MTFR1L: variants seen among roughly 807,000 people sequenced by gnomAD.
The protein encoded by MTFR1L is mitochondrial fission regulator 1-like.
Under a neutral mutation model 27.9 loss-of-function variants are expected in MTFR1L, and 10 were observed. That is an observed-to-expected ratio of 0.36 (90% CI 0.22 to 0.61). The LOEUF (loss-of-function observed/expected upper bound fraction) is 0.61, where lower values mean the gene tolerates loss of function less well. Ranked by LOEUF, MTFR1L falls within the 20% of genes least tolerant of loss-of-function variation. The pLI, the probability that MTFR1L is intolerant of heterozygous loss-of-function variation, is 0.73. For synonymous variants in MTFR1L, 151 were observed against 139.4 expected, an observed-to-expected ratio of 1.08 and a Z score of -0.58; for missense variants, 315 against 363.7, an observed-to-expected ratio of 0.87 and a Z score of 1.09.
In MTFR1L at chr1:25,822,715, A is replaced by T. The variant is rs1044304235; in HGVS notation, c.-86-304A>T. ...CTAATTTTTTGTATTTTTAGTAGAG[A>T]CAGGGCTTCACTGTGTTAGCCAGGA... is the stretch of plus-strand genomic sequence containing the variant. On this transcript the variant is annotated intron_variant, in intron 1 of 6. Transcript: ENST00000374303. 5 of 442,636 alleles carry T rather than the reference A, an allele frequency of 1.1e-5. 1 individual carries two copies. In the African/African-American group the frequency reaches 1.3e-4, roughly 11 times the overall value. The allele number at this position is 442,636 out of a possible 1,614,324, so 27.4% of individuals were successfully genotyped here. A position where few individuals can be genotyped will look rare whatever the true frequency, so the allele number is the denominator to read the frequency against.
chr1:25,820,681 G>A, intron 1 of MTFR1L: 1 of 429,222 alleles, frequency 2.3e-6, no homozygotes, highest in East Asian at 7.8e-5. Context: ...CACCGGTGCT[G>A]CCGGCGAACC....
chr1:25,822,973 A>T (rs965847120), intron 1 of MTFR1L, 46 bp from the exon 2 acceptor site: 1 of 1,532,232 alleles, frequency 6.5e-7, no homozygotes, highest in Non-Finnish European at 9.0e-7. Context: ...TTAAATCCCC[A>T]CTGTGGGGGG....
chr1:25,822,706 T>G, intron 1 of MTFR1L: 1 of 406,780 alleles, frequency 2.5e-6, no homozygotes, highest in Non-Finnish European at 4.4e-6. Flanking sequence ...TTTTGTATTT[T>G]TAGTAGAGAC....
At chr1:25,824,325 C>G (rs933643533) in intron 3 of MTFR1L, among the ~76,000 whole-genome samples, 1 of 152,192 alleles carries the variant, frequency 6.6e-6, no homozygotes, top group Admixed American at 6.5e-5. Context: ...CTACCTGGCC[C>G]AGGTCTCTTG....
At position 25,823,234 on chromosome 1, in the gene MTFR1L, C is replaced by T. The variant is rs767492884; in HGVS notation, c.24+106C>T. 3 of 1,167,828 alleles carry T rather than the reference C, an allele frequency of 2.6e-6. No homozygotes were observed. In the South Asian group the frequency reaches 3.7e-5, roughly 14 times the overall value. 72.3% of individuals were successfully genotyped at this position (1,167,828 alleles called of 1,614,324 possible). A position where few individuals can be genotyped will look rare whatever the true frequency, so the allele number is the denominator to read the frequency against. On this transcript the variant is annotated intron_variant, in intron 2 of 6. Coordinates refer to ENST00000374303, the MANE Select transcript of MTFR1L (RefSeq NM_001099625.2). ...ACTCTCCAGTTGAGCACTCCTTTCT[C>T]CAGAGGCCTGGAATTGGAGCAAGGC...
intron 1 of MTFR1L, chr1:25,820,835 C>A: frequency 2.6e-6 from 1 of 391,932 alleles, no homozygotes; most frequent in South Asian, 1.8e-5. Flanking sequence ...TCACAGTTAT[C>A]TAGTTCCTCT....
At position 25,826,322 on chromosome 1, in the gene MTFR1L, C is replaced by A; in HGVS notation, c.150C>A (p.Asp50Glu). The A allele has an allele frequency of 6.2e-7, 1 of 1,614,144 alleles. No individual in the cohort carries two copies. Among genetic ancestry groups the A allele is most frequent in the Non-Finnish European group, 8.5e-7 (1 of 1,180,008 alleles). Residue 50 changes from aspartate (D) to glutamate (E), a missense_variant, in exon 4 of 7, where the codon GAC becomes GAA. Coordinates refer to ENST00000374303, the MANE Select transcript of MTFR1L (RefSeq NM_001099625.2). This position sits in a 1 kb window ranked among gnomAD's most constrained non-coding sequence, Gnocchi z 4.1. ...CATAGACCCTGCCCAACATCTCTGA[C>A]CTGTGTTTGAGAGATGTGCCCCCAG... ...ASFETLPNIS[D>E]LCLRDVPPVP...
chr1:25,828,825 A>G (rs1453642669), intron 5 of MTFR1L, among the ~76,000 whole-genome samples: 1 of 152,160 alleles, frequency 6.6e-6, no homozygotes, highest in Non-Finnish European at 1.5e-5. Flanking sequence ...CATGAAAATC[A>G]TGGTGTTCTT....
At position 25,832,191 on chromosome 1, in the gene MTFR1L, A is replaced by C. The variant is rs1239181905; in HGVS notation, c.*165A>C. ...AGAAGAGCTGGATTATATATTTCCCAGACTTCAAACCCTAGCAGAAGCTAA... is the reference window on the plus strand; with the variant it reads ...AGAAGAGCTGGATTATATATTTCCCCGACTTCAAACCCTAGCAGAAGCTAA... On this transcript the variant is annotated 3_prime_UTR_variant, in exon 7 of 7. Coordinates refer to ENST00000374303, the MANE Select transcript of MTFR1L (RefSeq NM_001099625.2). 1.3e-5 allele frequency: 20 copies of C among 1,537,252 alleles called. No homozygotes were observed. Among genetic ancestry groups the C allele is most frequent in the Non-Finnish European group, 1.7e-5 (20 of 1,145,716 alleles).
At chr1:25,829,946 C>A in intron 6 of MTFR1L, 116 bp downstream of exon 6, 1 of 1,059,502 alleles carries the variant, frequency 9.4e-7, no homozygotes, top group Non-Finnish European at 1.3e-6. Context: ...TTATGTCATT[C>A]ATAAAGCTTG....
intron 6 of MTFR1L, 28 bp downstream of exon 6, chr1:25,829,858 T>C: frequency 6.4e-7 from 1 of 1,557,588 alleles, no homozygotes; most frequent in Non-Finnish European, 8.7e-7. Flanking sequence ...AGCTCTGGTA[T>C]CTATTTACTC....
chr1:25,822,977 TGG>T, intron 1 of MTFR1L, 40 bp from the exon 2 acceptor site: 2 of 1,540,088 alleles, frequency 1.3e-6, no homozygotes, highest in Non-Finnish European at 1.8e-6. Context: ...ATCCCCACTG[TGG>T]GGGGTTGTTT....
rs1449041866 is a variant in MTFR1L at position 25,819,954 on chromosome 1, AG to A, written c.-159del. 3.2e-6 allele frequency: 1 copy of A among 309,616 alleles called. No individual in the cohort carries two copies. The highest frequency in any genetic ancestry group is 1.4e-4 in the East Asian group (1 of 7,084). 19.2% of individuals were successfully genotyped at this position (309,616 alleles called of 1,614,324 possible). A position where few individuals can be genotyped will look rare whatever the true frequency, so the allele number is the denominator to read the frequency against. ...TCCGGGGGGCGGGTCAGCGGAAGTG[AG>A]GGCGGTTGAGGCTGGGCGGCCCAAG... On this transcript the variant is annotated 5_prime_UTR_variant, in exon 1 of 7. Transcript: ENST00000374303.
intron 3 of MTFR1L, among the ~76,000 whole-genome samples, chr1:25,825,451 C>T: frequency 6.6e-6 from 1 of 151,992 alleles, no homozygotes; most frequent in Non-Finnish European, 1.5e-5. Context: ...ATGTTTTTTA[C>T]TTTGTTGTAA....
rs1448694743 is a variant in MTFR1L at position 25,826,855 on chromosome 1, G to A, written c.451+29G>A. 3.4e-5 allele frequency: 55 copies of A among 1,607,442 alleles called. No homozygotes were observed. Among genetic ancestry groups the A allele is most frequent in the Non-Finnish European group, 4.5e-5 (53 of 1,176,708 alleles). Reference sequence around the variant, plus strand: ...GGAGCCCCTGTGCCAGGGCCAGAACGTAACAGGCTGTTCCTTTCCCCTGGC... The same window carrying A: ...GGAGCCCCTGTGCCAGGGCCAGAACATAACAGGCTGTTCCTTTCCCCTGGC... On this transcript the variant is annotated intron_variant, in intron 5 of 6. Transcript: ENST00000374303. The surrounding 1 kb of genome is among the most constrained non-coding windows in gnomAD (Gnocchi z 4.1).
rs763149507 is a variant in MTFR1L, at chr1:25,826,723, C to T, written c.348C>T (p.Ala116=). 1.2e-5 allele frequency: 20 copies of T among 1,614,010 alleles called. No individual in the cohort carries two copies. Among genetic ancestry groups the T allele is most frequent in the Non-Finnish European group, 1.7e-5 (20 of 1,180,026 alleles). ...NLRGSEERLL[A]LKKPALPALS... ...GTGGGTCCGAGGAGAGGCTTCTGGC[C>T]CTGAAGAAGCCAGCTCTGCCAGCCC... Residue 116 remains alanine, a synonymous_variant, in exon 5 of 7, where the codon GCC becomes GCT. Coordinates refer to ENST00000374303, the MANE Select transcript of MTFR1L (RefSeq NM_001099625.2). This position sits in a 1 kb window ranked among gnomAD's most constrained non-coding sequence, Gnocchi z 4.1.
chr1:25,820,635 C>T (rs1474096619), intron 1 of MTFR1L: 6 of 414,062 alleles, frequency 1.4e-5, no homozygotes, highest in Admixed American at 3.3e-5. Flanking sequence ...CAACTGCAGC[C>T]TCCGGAGGGC....
At position 25,832,139 on chromosome 1, in the gene MTFR1L, C is replaced by G; in HGVS notation, c.*113C>G. Reference sequence around the variant, plus strand: ...GGATAGATCTTCTGCAACAGTCTTGCTGACAAGCTAGAGCTTGGACTGAAA... The same window carrying G: ...GGATAGATCTTCTGCAACAGTCTTGGTGACAAGCTAGAGCTTGGACTGAAA... On this transcript the variant is annotated 3_prime_UTR_variant, in exon 7 of 7. Transcript: ENST00000374303. The G allele has an allele frequency of 6.3e-7, 1 of 1,584,484 alleles. No homozygotes were observed. Among genetic ancestry groups the G allele is most frequent in the Non-Finnish European group, 8.6e-7 (1 of 1,167,774 alleles).
Position 25,826,838 on chromosome 1 carries a change from T to C in MTFR1L, c.451+12T>C. 3 of 1,612,878 alleles carry C rather than the reference T, an allele frequency of 1.9e-6. No individual in the cohort carries two copies. The highest frequency in any genetic ancestry group is 2.5e-6 in the Non-Finnish European group (3 of 1,179,730). On this transcript the variant is annotated intron_variant, in intron 5 of 6. Transcript: ENST00000374303. The surrounding 1 kb of genome is among the most constrained non-coding windows in gnomAD (Gnocchi z 4.1). Reference sequence around the variant, plus strand: ...GGCAGCTGATGCAGGTAGGAGCCCCTGTGCCAGGGCCAGAACGTAACAGGC... The same window carrying C: ...GGCAGCTGATGCAGGTAGGAGCCCCCGTGCCAGGGCCAGAACGTAACAGGC...
Sources: allele counts gnomAD v4.1 joint callset (sites outside exome capture counted in the v4.1 genomes callset), GRCh38; gene constraint gnomAD v4.1.1; non-coding constraint Gnocchi (gnomAD v3.1); transcripts MANE v1.5; gene names NCBI Gene and HGNC (gene_info 2026-07-23, HGNC 2026-07-21).